Variants in PGBD5 observed in about 807,000 individuals in gnomAD.
The protein encoded by PGBD5 is piggyBac transposable element-derived protein 5.
Under a neutral mutation model 47.9 loss-of-function variants are expected in PGBD5, and 14 were observed. The observed-to-expected ratio is 0.29, with a 90% CI of 0.19 to 0.46. PGBD5 has a LOEUF of 0.46. PGBD5 is among the 20% of genes least tolerant of loss of function. The pLI, the probability that PGBD5 is intolerant of heterozygous loss-of-function variation, is 1.00. For missense variants in PGBD5, 635 were observed against 716.0 expected (o/e 0.89, Z 1.29); for synonymous variants, 316 against 306.3 (o/e 1.03, Z -0.33).
chr1:230,362,459 G>A, intron 1 of PGBD5: 1 of 1,234,162 alleles, frequency 8.1e-7, no homozygotes, highest in Non-Finnish European at 1.0e-6. Context: ...CCGCCTCAAG[G>A]CCTGATCCTC....
At chr1:230,391,424 T>C (rs1363939534) in intron 1 of PGBD5, among the ~76,000 whole-genome samples, 2 of 152,328 alleles carry the variant, frequency 1.3e-5, no homozygotes, top group East Asian at 3.9e-4. Flanking sequence ...TAATAGAGGT[T>C]TTACGGATAG....
In PGBD5 at chr1:230,314,843, A is replaced by G. The variant is rs1030529883; in HGVS notation, c.*8582T>C. On this transcript the variant is annotated 3_prime_UTR_variant, in exon 7 of 7. Transcript: ENST00000391860. ...CTGGAAATTGGAAGGGAAAACAAGA[A>G]GAAACAATGTAATGTAGCAGTGGAA... 1 of 152,176 alleles carries G rather than the reference A, an allele frequency of 6.6e-6. No homozygotes were observed. The highest frequency in any genetic ancestry group is 1.5e-5 in the Non-Finnish European group (1 of 68,030). The allele number at this position is 152,176 out of a possible 1,614,324, so 9.4% of individuals were successfully genotyped here.
At chr1:230,351,244 A>G (rs911371664) in intron 2 of PGBD5, 152 bp from the exon 3 acceptor site, 1 of 815,142 alleles carries the variant, frequency 1.2e-6, no homozygotes, top group East Asian at 3.0e-5. Flanking sequence ...CTTCTTATCT[A>G]TAGGAGGGTG....
chr1:230,402,164 T>C (rs1394562856), intron 1 of PGBD5, among the ~76,000 whole-genome samples: 1 of 152,240 alleles, frequency 6.6e-6, no homozygotes, highest in East Asian at 1.9e-4. Flanking sequence ...AAGCATATTC[T>C]GTAACCACAT....
intron 1 of PGBD5, among the ~76,000 whole-genome samples, chr1:230,383,424 G>A (rs1656561352): frequency 6.6e-6 from 1 of 152,126 alleles, no homozygotes. Context: ...GAGTGCAGTG[G>A]TGCAAACACG....
chr1:230,419,861 C>T (rs1299747179), intron 1 of PGBD5, among the ~76,000 whole-genome samples: 6 of 152,162 alleles, frequency 3.9e-5, no homozygotes, highest in Admixed American at 3.9e-4. Context: ...CGTGGTTGCT[C>T]ACACCTGTAA....
intron 3 of PGBD5, among the ~76,000 whole-genome samples, chr1:230,340,374 A>C (rs923494216): frequency 2.0e-5 from 3 of 152,200 alleles, no homozygotes; most frequent in African/African-American, 4.8e-5. Flanking sequence ...AAAAATCATC[A>C]TGTAGAAAAA....
intron 1 of PGBD5, among the ~76,000 whole-genome samples, chr1:230,389,085 C>T (rs1238180612): frequency 1.3e-5 from 2 of 152,244 alleles, no homozygotes; most frequent in Non-Finnish European, 2.9e-5. Flanking sequence ...CTAGCCCTCC[C>T]CAACTGACCA....
At chr1:230,411,237 C>T (rs945854551) in intron 1 of PGBD5, among the ~76,000 whole-genome samples, 2 of 152,144 alleles carry the variant, frequency 1.3e-5, no homozygotes, top group African/African-American at 2.4e-5. Context: ...GTGCCATGAT[C>T]GTGCCATCGC....
chr1:230,384,959 G>T (rs923769250), intron 1 of PGBD5, among the ~76,000 whole-genome samples: 3 of 152,186 alleles, frequency 2.0e-5, no homozygotes, highest in African/African-American at 7.2e-5. Context: ...GGTTATAGAA[G>T]TATTTCAGTA....
intron 1 of PGBD5, among the ~76,000 whole-genome samples, chr1:230,362,941 T>A (rs1009032796): frequency 6.6e-6 from 1 of 151,948 alleles, no homozygotes; most frequent in African/African-American, 2.4e-5. Context: ...GGACGAGTGG[T>A]GAAAGTACAG....
chr1:230,392,415 G>C (rs1656807640), intron 1 of PGBD5, among the ~76,000 whole-genome samples: 1 of 152,232 alleles, frequency 6.6e-6, no homozygotes, highest in Non-Finnish European at 1.5e-5. Context: ...CCCAGGCTTT[G>C]ATGACAGGCC....
intron 2 of PGBD5, among the ~76,000 whole-genome samples, chr1:230,356,537 G>C (rs903623062): frequency 6.6e-6 from 1 of 152,142 alleles, no homozygotes; most frequent in Non-Finnish European, 1.5e-5. Context: ...TCACCAACAG[G>C]TGAGGCCACA....
chr1:230,360,056 G>A lies in PGBD5; in HGVS notation c.332-2735C>T, dbSNP rs151256889. 7.0e-3 allele frequency among the ~76,000 whole-genome samples: 1,073 copies of A among 152,238 alleles called. 14 individuals carry two copies. Among genetic ancestry groups the A allele is most frequent in the African/African-American group, 0.025 (1,024 of 41,532 alleles). ...CTTGCAGCCTCCGGTGGGTGCAGCC[G>A]TCAATTATTCAAGGATAGTGCTCAA... On this transcript the variant is annotated intron_variant, in intron 1 of 6. Coordinates refer to ENST00000391860, the MANE Select transcript of PGBD5 (RefSeq NM_001258311.2).
At chr1:230,424,662 AC>A (rs1657732148) in intron 1 of PGBD5, among the ~76,000 whole-genome samples, 1 of 152,062 alleles carries the variant, frequency 6.6e-6, no homozygotes, top group Non-Finnish European at 1.5e-5. Context: ...CCTCATCAAC[AC>A]CGGTTGCGCG....
intron 1 of PGBD5, chr1:230,367,875 C>T: frequency 7.7e-7 from 1 of 1,298,116 alleles, no homozygotes. Context: ...AAGCACAGGG[C>T]TACCAGACTC....
At chr1:230,381,363 C>T (rs1230582494) in intron 1 of PGBD5, among the ~76,000 whole-genome samples, 1 of 152,234 alleles carries the variant, frequency 6.6e-6, no homozygotes, top group Non-Finnish European at 1.5e-5. Context: ...CATGCACACG[C>T]TGCTGCTGCC....
At chr1:230,402,922 T>C (rs1412762377) in intron 1 of PGBD5, among the ~76,000 whole-genome samples, 2 of 152,264 alleles carry the variant, frequency 1.3e-5, no homozygotes, top group Non-Finnish European at 2.9e-5. Context: ...TGAGGTTTGT[T>C]AGGGAGACCT....
In PGBD5 at chr1:230,356,879, C is replaced by T. The variant is rs371014392; in HGVS notation, c.759+15G>A. The T allele has an allele frequency of 7.5e-6, 12 of 1,608,160 alleles. No homozygotes were observed. In the East Asian group the frequency reaches 1.3e-4, roughly 18 times the overall value. On this transcript the variant is annotated intron_variant, in intron 2 of 6. Transcript: ENST00000391860. ...GGACACCTGGACAAGCTCTTACGTC[C>T]TGCGTGGGCCTCACCTGGGTTTGGG...
Sources: gnomAD v4.1 joint callset for allele counts (sites outside exome capture counted in the v4.1 genomes callset) on GRCh38, gnomAD v4.1.1 for gene constraint, MANE v1.5 for transcripts, NCBI Gene and HGNC (gene_info 2026-07-23, HGNC 2026-07-21) for gene names.